RAD51B: variants seen among roughly 807,000 people sequenced by gnomAD.
RAD51B encodes RAD51 paralog B, also known as DNA repair protein RAD51 homolog 2.
A neutral mutation model predicts 42.2 loss-of-function variants in RAD51B; 38 were observed. The ratio of observed to expected loss-of-function variants is 0.90; its 90% CI spans 0.70 to 1.18. The LOEUF (loss-of-function observed/expected upper bound fraction) is 1.18, where lower values mean the gene tolerates loss of function less well. RAD51B is among the 50% of genes most tolerant of loss of function. The pLI is 0.00. For synonymous variants in RAD51B, 154 were observed against 145.2 expected, an observed-to-expected ratio of 1.06 and a Z score of -0.43; for missense variants, 373 against 400.7, an observed-to-expected ratio of 0.93 and a Z score of 0.59.
At chr14:68,434,568 G>C (rs1406674558) in intron 9 of RAD51B, among the ~76,000 whole-genome samples, 1 of 152,236 alleles carries the variant, frequency 6.6e-6, no homozygotes, top group Non-Finnish European at 1.5e-5. Context: ...ATCTCCTGGT[G>C]TGTCATTTGC....
intron 10 of RAD51B, chr14:68,650,655 TA>T (rs1233783315): frequency 1.6e-6 from 1 of 618,858 alleles, no homozygotes; most frequent in East Asian, 2.7e-5. Flanking sequence ...AAGTAGCATC[TA>T]ATTCAAAACA....
chr14:68,232,361 CA>C (rs1416679673), intron 7 of RAD51B, among the ~76,000 whole-genome samples: 1 of 148,702 alleles, frequency 6.7e-6, no homozygotes, highest in Non-Finnish European at 1.5e-5. Context: ...TAACAACTGG[CA>C]AAAAGAAAAA....
intron 8 of RAD51B, among the ~76,000 whole-genome samples, chr14:68,349,024 A>C (rs1455585110): frequency 6.6e-6 from 1 of 152,256 alleles, no homozygotes; most frequent in Non-Finnish European, 1.5e-5. Flanking sequence ...TGTAGTGTGA[A>C]GTCACCATAG....
At chr14:68,377,992 G>A (rs1021536554) in intron 8 of RAD51B, among the ~76,000 whole-genome samples, 9 of 152,116 alleles carry the variant, frequency 5.9e-5, no homozygotes, top group Admixed American at 2.0e-4. Flanking sequence ...AGTTTGTTAA[G>A]CTGGTCATTC....
At chr14:68,384,688 A>G (rs12895970) in intron 8 of RAD51B, among the ~76,000 whole-genome samples, 3,067 of 152,250 alleles carry the variant, frequency 0.02, 41 homozygotes, top group Non-Finnish European at 0.03. Context: ...TCTTGTTTTC[A>G]TTTCCGAGTT....
chr14:68,411,867 A>G (rs1296780117), intron 9 of RAD51B, among the ~76,000 whole-genome samples: 2 of 152,232 alleles, frequency 1.3e-5, no homozygotes, highest in Non-Finnish European at 2.9e-5. Flanking sequence ...TAATTTGTAT[A>G]TGAATTAAAT....
chr14:68,634,550 C>G (rs546372074), intron 10 of RAD51B, among the ~76,000 whole-genome samples: 1 of 152,284 alleles, frequency 6.6e-6, no homozygotes, highest in South Asian at 2.1e-4. Context: ...TGCCCTCCCC[C>G]AGTGGCTGGG....
At chr14:68,058,111 A>G (rs1227032069) in intron 7 of RAD51B, among the ~76,000 whole-genome samples, 4 of 152,130 alleles carry the variant, frequency 2.6e-5, no homozygotes, top group Non-Finnish European at 5.9e-5. Context: ...TAAAAAATTG[A>G]GTATATGATA....
intron 5 of RAD51B, among the ~76,000 whole-genome samples, chr14:67,877,924 CA>C (rs2042780491): frequency 6.6e-6 from 1 of 152,166 alleles, no homozygotes; most frequent in South Asian, 2.1e-4. Context: ...TTCCGCCTCC[CA>C]AACTGCTTGA....
intron 2 of RAD51B, among the ~76,000 whole-genome samples, chr14:67,825,182 G>T (rs752719768): frequency 2.3e-4 from 34 of 151,012 alleles, no homozygotes; most frequent in Non-Finnish European, 4.1e-4. Context: ...CAAGTGTAGC[G>T]CTCATACGCA....
intron 8 of RAD51B, among the ~76,000 whole-genome samples, chr14:68,322,644 G>T (rs1244160885): frequency 4.6e-5 from 7 of 152,130 alleles, no homozygotes; most frequent in African/African-American, 1.7e-4. Context: ...GGAAATAGTT[G>T]GCCTAGAGCT....
At chr14:68,540,496 C>T in intron 10 of RAD51B, 1 of 985,312 alleles carries the variant, frequency 1.0e-6, no homozygotes, top group Non-Finnish European at 1.2e-6. Context: ...TATTGCTCAG[C>T]TTGTTCCCTC....
At chr14:68,171,008 G>A (rs7143425) in intron 7 of RAD51B, among the ~76,000 whole-genome samples, 2,065 of 152,280 alleles carry the variant, frequency 0.014, 45 homozygotes, top group African/African-American at 0.045. Context: ...TCCCTGAAAG[G>A]GAAGGCCCTG....
At chr14:67,971,198 T>C (rs534322416) in intron 7 of RAD51B, among the ~76,000 whole-genome samples, 3 of 152,232 alleles carry the variant, frequency 2.0e-5, no homozygotes, top group African/African-American at 4.8e-5. Context: ...TGAATTGATA[T>C]TGTTAGGAAA....
At chr14:67,891,334 G>A (rs1048317870) in intron 7 of RAD51B, among the ~76,000 whole-genome samples, 11 of 152,022 alleles carry the variant, frequency 7.2e-5, no homozygotes, top group Non-Finnish European at 1.0e-4. Context: ...CTTATAATCC[G>A]TTTTTCTGTG....
At chr14:68,544,250 G>C (rs1330333661) in intron 10 of RAD51B, among the ~76,000 whole-genome samples, 1 of 152,146 alleles carries the variant, frequency 6.6e-6, no homozygotes, top group Non-Finnish European at 1.5e-5. Context: ...GTTTGACTCT[G>C]AAGGCCGCCT....
chr14:68,102,958 A>G (rs2077316178), intron 7 of RAD51B, among the ~76,000 whole-genome samples: 1 of 152,186 alleles, frequency 6.6e-6, no homozygotes, highest in South Asian at 2.1e-4. Flanking sequence ...CCTTCTTCAC[A>G]TGGCAGCAGA....
chr14:67,892,345 C>T (rs1182009116), intron 7 of RAD51B, among the ~76,000 whole-genome samples: 2 of 152,106 alleles, frequency 1.3e-5, no homozygotes, highest in African/African-American at 4.8e-5. Context: ...TTTATTGTTT[C>T]TAGCAAAAAC....
At chr14:68,539,636 G>T (rs1167081163) in intron 10 of RAD51B, among the ~76,000 whole-genome samples, 2 of 152,178 alleles carry the variant, frequency 1.3e-5, no homozygotes, top group Admixed American at 1.3e-4. Context: ...GCAGGGCAAG[G>T]CCCCAGCATT....
Sources: allele counts gnomAD v4.1 joint callset (sites outside exome capture counted in the v4.1 genomes callset), GRCh38; gene constraint gnomAD v4.1.1; transcripts MANE v1.5; gene names NCBI Gene and HGNC (gene_info 2026-07-23, HGNC 2026-07-21).